The following PLPP4 variants were observed in gnomAD, a reference collection of about 807,000 sequenced individuals.
PLPP4 encodes the protein phospholipid phosphatase 4.
In PLPP4, 20 loss-of-function variants were observed where a neutral mutation model predicts 32.2. The observed-to-expected ratio is 0.62, with a 90% CI of 0.44 to 0.90. PLPP4 has a LOEUF of 0.90. PLPP4 is among the 40% of genes least tolerant of loss of function. PLPP4 has a pLI of 0.00. For synonymous variants in PLPP4, 127 were observed against 133.0 expected (o/e 0.95, Z 0.31); for missense variants, 257 against 353.1 (o/e 0.73, Z 2.18).
chr10:120,518,999 G>A, intron 4 of PLPP4, 103 bp downstream of exon 4: 1 of 749,088 alleles, frequency 1.3e-6, no homozygotes, highest in Non-Finnish European at 2.1e-6. Flanking sequence ...AGCTCATCTA[G>A]TTCTCCCTTA....
intron 1 of PLPP4, among the ~76,000 whole-genome samples, chr10:120,480,140 T>G (rs1262712716): frequency 6.6e-6 from 1 of 152,204 alleles, no homozygotes; most frequent in Non-Finnish European, 1.5e-5. Context: ...GCCTAGACCT[T>G]TTTGATTACT....
At chr10:120,515,983 T>C (rs1383357694) in intron 3 of PLPP4, among the ~76,000 whole-genome samples, 1 of 152,154 alleles carries the variant, frequency 6.6e-6, no homozygotes, top group Admixed American at 6.5e-5. Flanking sequence ...AAATCTCCCT[T>C]AGGGTGACAT....
chr10:120,567,358 T>C (rs988119026), intron 5 of PLPP4, among the ~76,000 whole-genome samples: 1 of 152,224 alleles, frequency 6.6e-6, no homozygotes, highest in African/African-American at 2.4e-5. Context: ...TAACACCTTT[T>C]ATTTGTATGT....
intron 5 of PLPP4, among the ~76,000 whole-genome samples, chr10:120,569,765 A>G (rs764439109): frequency 3.3e-5 from 5 of 152,200 alleles, no homozygotes; most frequent in Admixed American, 6.5e-5. Flanking sequence ...AAATGAATAC[A>G]TGGTCTCTAC....
rs1022644677 is a variant in PLPP4 at position 120,543,275 on chromosome 10, C to A, written c.445+22180C>A. ...TCCTCCTCAAGCTGGCATTGTCTAG[C>A]GGGGGATGTTGCCTGTGGATGGTAG... On this transcript the variant is annotated intron_variant, in intron 5 of 6. Coordinates refer to ENST00000398250, the MANE Select transcript of PLPP4 (RefSeq NM_001030059.3). 2.6e-5 allele frequency among the ~76,000 whole-genome samples: 4 copies of A among 152,148 alleles called. No homozygotes were observed. In the South Asian group the frequency reaches 8.3e-4, roughly 32 times the overall value.
rs943504367 is a variant in PLPP4 at position 120,526,774 on chromosome 10, G to A, written c.445+5679G>A. On this transcript the variant is annotated intron_variant, in intron 5 of 6. Coordinates refer to ENST00000398250, the MANE Select transcript of PLPP4 (RefSeq NM_001030059.3). ...CTGGAGAGTTTAGCTTCTCTTTATCGGCACTTTCCACCTATTTGCCTGTTT... is the reference window on the plus strand; with the variant it reads ...CTGGAGAGTTTAGCTTCTCTTTATCAGCACTTTCCACCTATTTGCCTGTTT... 7.2e-5 allele frequency among the ~76,000 whole-genome samples: 11 copies of A among 152,158 alleles called. No individual in the cohort carries two copies. The East Asian group carries it at 1.4e-3, about 19-fold the overall frequency.
intron 1 of PLPP4, among the ~76,000 whole-genome samples, chr10:120,491,146 G>A (rs1844701720): frequency 6.6e-6 from 1 of 152,268 alleles, no homozygotes; most frequent in East Asian, 1.9e-4. Context: ...CTGGGTGAGG[G>A]GACCTGGCTT....
At chr10:120,566,995 C>T (rs1315321736) in intron 5 of PLPP4, among the ~76,000 whole-genome samples, 1 of 152,216 alleles carries the variant, frequency 6.6e-6, no homozygotes, top group African/African-American at 2.4e-5. Context: ...CAGTTCCCCA[C>T]AGACATGCTC....
At chr10:120,505,801 A>G (rs181103874) in intron 2 of PLPP4, among the ~76,000 whole-genome samples, 2 of 152,338 alleles carry the variant, frequency 1.3e-5, no homozygotes, top group South Asian at 2.1e-4. Flanking sequence ...CAAATATTCT[A>G]TAAATCCTAG....
intron 1 of PLPP4, among the ~76,000 whole-genome samples, chr10:120,495,559 A>G (rs564356514): frequency 1.3e-5 from 2 of 152,292 alleles, no homozygotes; most frequent in African/African-American, 2.4e-5. Context: ...TCAATAGTGC[A>G]GTGAGGAAAT....
At chr10:120,507,847 G>A (rs1845567923) in intron 2 of PLPP4, among the ~76,000 whole-genome samples, 1 of 152,210 alleles carries the variant, frequency 6.6e-6, no homozygotes, top group Non-Finnish European at 1.5e-5. Flanking sequence ...CACTTGCCAT[G>A]AGGAAAGATG....
intron 6 of PLPP4, among the ~76,000 whole-genome samples, chr10:120,588,200 C>G (rs1791362080): frequency 6.6e-6 from 1 of 152,206 alleles, no homozygotes; most frequent in African/African-American, 2.4e-5. Flanking sequence ...GCAAAAATAA[C>G]CCATAGACAG....
At chr10:120,510,760 T>C (rs1845693566) in intron 2 of PLPP4, among the ~76,000 whole-genome samples, 1 of 152,192 alleles carries the variant, frequency 6.6e-6, no homozygotes, top group Non-Finnish European at 1.5e-5. Context: ...CCAACTTTCA[T>C]TTAAAAATGT....
intron 5 of PLPP4, among the ~76,000 whole-genome samples, chr10:120,536,671 C>CAAAAA (rs35552215): frequency 0.26 from 32,549 of 123,932 alleles, 4,581 homozygotes; most frequent in Admixed American, 0.31. Flanking sequence ...AAAGCACAGG[C>CAAAAA]AAAAAAAAAA....
chr10:120,579,450 T>C (rs1376411158), intron 6 of PLPP4, among the ~76,000 whole-genome samples: 1 of 152,304 alleles, frequency 6.6e-6, no homozygotes, highest in East Asian at 1.9e-4. Flanking sequence ...TTTCCCAGAC[T>C]GGGCTGTGAA....
At chr10:120,554,836 G>GC in intron 5 of PLPP4, among the ~76,000 whole-genome samples, 1 of 152,144 alleles carries the variant, frequency 6.6e-6, no homozygotes, top group African/African-American at 2.4e-5. Flanking sequence ...GGGGAAATCT[G>GC]CCCCCATGAC....
chr10:120,493,912 G>A (rs1338835364), intron 1 of PLPP4, among the ~76,000 whole-genome samples: 1 of 152,154 alleles, frequency 6.6e-6, no homozygotes, highest in East Asian at 1.9e-4. Context: ...GACTATGGGA[G>A]GCAGGCTTTG....
intron 1 of PLPP4, among the ~76,000 whole-genome samples, chr10:120,497,819 T>A (rs1162501252): frequency 6.6e-6 from 1 of 152,062 alleles, no homozygotes; most frequent in Admixed American, 6.5e-5. Flanking sequence ...GGCAGGCAGA[T>A]CACGAGGTCA....
chr10:120,544,567 C>T (rs969083247), intron 5 of PLPP4, among the ~76,000 whole-genome samples: 2 of 152,172 alleles, frequency 1.3e-5, no homozygotes, highest in Non-Finnish European at 2.9e-5. Context: ...TCCTGCTCCC[C>T]GGGCCTCACT....
Sources: allele counts gnomAD v4.1 joint callset (sites outside exome capture counted in the v4.1 genomes callset), GRCh38; gene constraint gnomAD v4.1.1; transcripts MANE v1.5; gene names NCBI Gene and HGNC (gene_info 2026-07-23, HGNC 2026-07-21).